The following CLDN10 variants were observed in gnomAD, a reference collection of about 807,000 sequenced individuals.
The protein encoded by CLDN10 is claudin 10.
A neutral mutation model predicts 22.9 loss-of-function variants in CLDN10; 15 were observed. That is an observed-to-expected ratio of 0.65 (90% CI 0.44 to 1.01). The LOEUF (loss-of-function observed/expected upper bound fraction) is 1.01. CLDN10 is among the 50% of genes least tolerant of loss of function. The pLI is 0.00. For missense variants in CLDN10, 247 were observed against 287.8 expected (o/e 0.86, Z 1.03); for synonymous variants, 114 against 111.4 (o/e 1.02, Z -0.15).
In CLDN10 at chr13:95,577,316, T is replaced by C. The variant is rs748998305; in HGVS notation, c.550T>C (p.Ser184Pro). 1 of 1,613,278 alleles carries C rather than the reference T, an allele frequency of 6.2e-7. No homozygotes were observed. The highest frequency in any genetic ancestry group is 1.3e-5 in the African/African-American group (1 of 75,012). ...IGGVIFCFSI[S>P]DNNKTPRYTY... ...TGGTGTCATATTTTGCTTTTCAATA[T>C]CTGACAACAACAAAACACCCAGGTA... Residue 184 changes from serine to proline, a missense_variant, in exon 4 of 5, where the codon TCT becomes CCT. By Grantham distance (74) the Ser-to-Pro change is moderately conservative. Coordinates refer to ENST00000299339, the MANE Select transcript of CLDN10 (RefSeq NM_006984.5).
chr13:95,511,627 C>CGT (rs1555294387), intron 1 of CLDN10, among the ~76,000 whole-genome samples: 1 of 139,518 alleles, frequency 7.2e-6, no homozygotes, highest in Non-Finnish European at 1.6e-5. Flanking sequence ...ATTCTCTCTC[C>CGT]TTTTTTTTTT....
intron 1 of CLDN10, among the ~76,000 whole-genome samples, chr13:95,464,554 A>G (rs1300617531): frequency 6.6e-6 from 1 of 152,178 alleles, no homozygotes; most frequent in Admixed American, 6.5e-5. Context: ...TAGTGCCGCA[A>G]TAAACATACA....
intron 1 of CLDN10, among the ~76,000 whole-genome samples, chr13:95,521,747 T>C (rs187203249): frequency 6.6e-6 from 1 of 152,244 alleles, no homozygotes; most frequent in East Asian, 1.9e-4. Context: ...TCTTTAAATA[T>C]TTGGTAGTTC....
chr13:95,443,299 A>G (rs1245954789), intron 1 of CLDN10, among the ~76,000 whole-genome samples: 3 of 152,200 alleles, frequency 2.0e-5, no homozygotes, highest in African/African-American at 4.8e-5. Context: ...TGTTGTTGAC[A>G]ATGATGATGT....
chr13:95,512,308 T>C (rs2043112494), intron 1 of CLDN10, among the ~76,000 whole-genome samples: 1 of 149,522 alleles, frequency 6.7e-6, no homozygotes, highest in Non-Finnish European at 1.5e-5. Flanking sequence ...TATCTGTTTT[T>C]GATGTTAATA....
At position 95,522,980 on chromosome 13, in the gene CLDN10, T is replaced by C. The variant is rs73545102; in HGVS notation, c.215-37152T>C. On this transcript the variant is annotated intron_variant, in intron 1 of 4. Transcript: ENST00000376873. The stretch of plus-strand genomic sequence containing the variant: ...CTCTTGGGTTTTGTTTTTTATTTTT[T>C]ATTCAGCCTGAAAATCTTTGACTTT... Among the ~76,000 whole-genome samples, 856 of 152,060 alleles carry C rather than the reference T, an allele frequency of 5.6e-3. 11 individuals carry two copies. Among genetic ancestry groups the C allele is most frequent in the African/African-American group, 0.02 (816 of 41,556 alleles).
intron 1 of CLDN10, among the ~76,000 whole-genome samples, chr13:95,475,085 G>A (rs1266516932): frequency 6.6e-6 from 1 of 152,178 alleles, no homozygotes; most frequent in Non-Finnish European, 1.5e-5. Flanking sequence ...ACACATGCTG[G>A]TGCCACACAG....
chr13:95,498,685 G>T (rs552000535), intron 1 of CLDN10, among the ~76,000 whole-genome samples: 1 of 152,150 alleles, frequency 6.6e-6, no homozygotes, highest in Non-Finnish European at 1.5e-5. Flanking sequence ...ATGAGCCATC[G>T]TGCCCAGCCT....
intron 1 of CLDN10, among the ~76,000 whole-genome samples, chr13:95,463,949 T>C (rs2042561037): frequency 6.6e-6 from 1 of 152,150 alleles, no homozygotes; most frequent in Non-Finnish European, 1.5e-5. Flanking sequence ...AAACTTTTCT[T>C]TCATTTTCAA....
intron 1 of CLDN10, among the ~76,000 whole-genome samples, chr13:95,439,515 A>G (rs996369549): frequency 1.8e-4 from 27 of 151,904 alleles, no homozygotes; most frequent in Non-Finnish European, 3.1e-4. Context: ...TGTATTTTTA[A>G]TAGAGACAGA....
chr13:95,471,871 C>A (rs1049666415), intron 1 of CLDN10, among the ~76,000 whole-genome samples: 2 of 151,646 alleles, frequency 1.3e-5, no homozygotes, highest in African/African-American at 2.4e-5. Flanking sequence ...TGGCTCACTG[C>A]AGCCTCAGTC....
At chr13:95,545,493 C>T (rs533027238) in intron 1 of CLDN10, among the ~76,000 whole-genome samples, 30 of 152,148 alleles carry the variant, frequency 2.0e-4, no homozygotes, top group African/African-American at 6.3e-4. Context: ...GCCGAGATCG[C>T]GCCTTTGCAC....
At chr13:95,503,561 T>C (rs1279547687) in intron 1 of CLDN10, among the ~76,000 whole-genome samples, 1 of 152,142 alleles carries the variant, frequency 6.6e-6, no homozygotes, top group African/African-American at 2.4e-5. Flanking sequence ...GCAGCACTGT[T>C]TATAAAAACT....
At chr13:95,479,311 C>G (rs1012726467) in intron 1 of CLDN10, 1 of 151,796 alleles carries the variant, frequency 6.6e-6, no homozygotes, top group African/African-American at 2.4e-5. Context: ...GATCACACCA[C>G]TGCACTCCAG....
At chr13:95,562,811 T>C (rs1185703812) in intron 3 of CLDN10, among the ~76,000 whole-genome samples, 1 of 152,226 alleles carries the variant, frequency 6.6e-6, no homozygotes, top group East Asian at 1.9e-4. Flanking sequence ...GTCTATATCT[T>C]AAAAATCATT....
In CLDN10 at chr13:95,454,573, C is replaced by T. The variant is rs180858521; in HGVS notation, c.214+20526C>T. 5.0e-3 allele frequency among the ~76,000 whole-genome samples: 756 copies of T among 152,166 alleles called. 6 individuals are homozygous for T. Among genetic ancestry groups the T allele is most frequent in the African/African-American group, 0.015 (614 of 41,510 alleles). Reference sequence around the variant, plus strand: ...TGCTGTGGGGTTGTGGATTGCAGGGCGGGAAGCAAAGTGTCCTTTTTCTAT... The same window carrying T: ...TGCTGTGGGGTTGTGGATTGCAGGGTGGGAAGCAAAGTGTCCTTTTTCTAT... On this transcript the variant is annotated intron_variant, in intron 1 of 4. Coordinates refer to the CLDN10 transcript ENST00000376873.
intron 1 of CLDN10, among the ~76,000 whole-genome samples, chr13:95,472,303 T>C (rs1420167220): frequency 1.3e-5 from 2 of 152,226 alleles, no homozygotes; most frequent in African/African-American, 4.8e-5. Flanking sequence ...CAGATACTGA[T>C]AACAAATACA....
intron 1 of CLDN10, chr13:95,533,574 T>C (rs573541049): frequency 2.6e-5 from 4 of 152,324 alleles, no homozygotes; most frequent in Non-Finnish European, 5.9e-5. Context: ...CTAGTAATTG[T>C]ACAGGTATAA....
At position 95,486,860 on chromosome 13, in the gene CLDN10, A is replaced by T. The variant is rs116618294; in HGVS notation, c.214+52813A>T. 5.3e-3 allele frequency among the ~76,000 whole-genome samples: 815 copies of T among 152,340 alleles called. 7 individuals carry two copies. Among genetic ancestry groups the T allele is most frequent in the South Asian group, 0.052 (253 of 4,826 alleles). On this transcript the variant is annotated intron_variant, in intron 1 of 4. Coordinates refer to the CLDN10 transcript ENST00000376873. ...TCTCCCTTTACCGCCTCAGTGTTCAACATGGTGCCTGATACTTGGGTGCTC... is the reference window on the plus strand; with the variant it reads ...TCTCCCTTTACCGCCTCAGTGTTCATCATGGTGCCTGATACTTGGGTGCTC...
Sources: allele counts gnomAD v4.1 joint callset (sites outside exome capture counted in the v4.1 genomes callset), GRCh38; gene constraint gnomAD v4.1.1; transcripts MANE v1.5; gene names NCBI Gene and HGNC (gene_info 2026-07-23, HGNC 2026-07-21).